Variants in MTCL3 observed in about 807,000 individuals in gnomAD.
MTCL3 encodes the protein microtubule cross-linking factor 3.
the MTCL3 span, chr6:127,481,458 AC>A: frequency 1.0e-6 from 1 of 985,322 alleles, no homozygotes; most frequent in African/African-American, 1.7e-5. Context: ...TGAGGTCCAT[AC>A]ATGTTCTGGT....
the MTCL3 span, among the ~76,000 whole-genome samples, chr6:127,500,919 C>G: frequency 1.3e-5 from 2 of 152,134 alleles, no homozygotes; most frequent in African/African-American, 4.8e-5. Context: ...TCAGGCAATT[C>G]TCCTGCCTCA....
chr6:127,515,662 G>A, the MTCL3 span: 10 of 1,498,440 alleles, frequency 6.7e-6, no homozygotes, highest in East Asian at 9.9e-5. This position sits in a 1 kb window ranked among gnomAD's most constrained non-coding sequence, Gnocchi z 4.3. Flanking sequence ...GCTCTGCTGG[G>A]GGCCCTCCGC....
At chr6:127,494,472 A>G in the MTCL3 span, among the ~76,000 whole-genome samples, 1 of 152,166 alleles carries the variant, frequency 6.6e-6, no homozygotes, top group Admixed American at 6.5e-5. Flanking sequence ...GGCCTACAAG[A>G]TCCTTGTGAA....
At chr6:127,483,583 G>A in the MTCL3 span, among the ~76,000 whole-genome samples, 1 of 152,168 alleles carries the variant, frequency 6.6e-6, no homozygotes, top group Non-Finnish European at 1.5e-5. Flanking sequence ...GTGTGATACA[G>A]GAATGTGGGC....
chr6:127,474,603 A>T, the MTCL3 span, among the ~76,000 whole-genome samples: 3 of 152,006 alleles, frequency 2.0e-5, no homozygotes, highest in Non-Finnish European at 4.4e-5. Context: ...TTTTTGAGAC[A>T]GGGTTTCACT....
the MTCL3 span, among the ~76,000 whole-genome samples, chr6:127,500,849 G>A: frequency 3.4e-3 from 511 of 152,124 alleles, 4 homozygotes; most frequent in Non-Finnish European, 5.9e-3. Flanking sequence ...ATCTCACTCT[G>A]TTGCCAGGCT....
At chr6:127,507,837 T>C in the MTCL3 span, among the ~76,000 whole-genome samples, 1 of 93,292 alleles carries the variant, frequency 1.1e-5, no homozygotes, top group African/African-American at 4.6e-5. Context: ...AGCAAGACTA[T>C]GTCTCAAAAA....
the MTCL3 span, chr6:127,482,906 C>A: frequency 6.3e-7 from 1 of 1,588,722 alleles, no homozygotes; most frequent in Non-Finnish European, 8.5e-7. The surrounding 1 kb of genome is among the most constrained non-coding windows in gnomAD (Gnocchi z 4.1). Flanking sequence ...ATTTTATTTC[C>A]ACATACCTCT....
the MTCL3 span, chr6:127,475,717 T>C: frequency 1.9e-6 from 3 of 1,588,318 alleles, no homozygotes; most frequent in African/African-American, 4.0e-5. The surrounding 1 kb of genome is among the most constrained non-coding windows in gnomAD (Gnocchi z 7.3). Flanking sequence ...GCGCTTGCGG[T>C]GCGGAGGCCG....
the MTCL3 span, chr6:127,516,531 G>A: frequency 2.5e-6 from 4 of 1,598,552 alleles, no homozygotes; most frequent in East Asian, 4.5e-5. Context: ...TGCCCTCCGG[G>A]TGCAGACGAG....
At chr6:127,476,548 G>C in the MTCL3 span, 1 of 1,165,130 alleles carries the variant, frequency 8.6e-7, no homozygotes, top group South Asian at 1.6e-5. This position sits in a 1 kb window ranked among gnomAD's most constrained non-coding sequence, Gnocchi z 4.4. Flanking sequence ...AGGACACCTG[G>C]ATAAATAATT....
chr6:127,498,368 A>T, the MTCL3 span, among the ~76,000 whole-genome samples: 21 of 152,336 alleles, frequency 1.4e-4, no homozygotes, highest in African/African-American at 5.0e-4. Context: ...AAACAAATGA[A>T]AACCACAATG....
chr6:127,474,245 A>G, the MTCL3 span, among the ~76,000 whole-genome samples: 2 of 151,704 alleles, frequency 1.3e-5, no homozygotes, highest in South Asian at 4.2e-4. Context: ...TACATTTACC[A>G]GTAGTTATCC....
chr6:127,518,906 CA>C, the MTCL3 span: 2 of 152,356 alleles, frequency 1.3e-5, no homozygotes, highest in Non-Finnish European at 2.9e-5. Flanking sequence ...AGACGCTCCC[CA>C]GGAAGTGCAG....
At chr6:127,499,796 A>G in the MTCL3 span, among the ~76,000 whole-genome samples, 3 of 152,178 alleles carry the variant, frequency 2.0e-5, no homozygotes, top group East Asian at 1.9e-4. Flanking sequence ...GGTTTGGCCA[A>G]TAGAAGGCAC....
At chr6:127,509,853 T>C in the MTCL3 span, among the ~76,000 whole-genome samples, 2 of 152,240 alleles carry the variant, frequency 1.3e-5, no homozygotes, top group South Asian at 2.1e-4. Context: ...TAGAGCATCA[T>C]AAAATTACCA....
At chr6:127,504,319 G>A in the MTCL3 span, among the ~76,000 whole-genome samples, 1 of 152,134 alleles carries the variant, frequency 6.6e-6, no homozygotes, top group African/African-American at 2.4e-5. Flanking sequence ...CCTGTATGAG[G>A]CTCTTTCCTA....
At chr6:127,509,523 T>C in the MTCL3 span, among the ~76,000 whole-genome samples, 2 of 152,220 alleles carry the variant, frequency 1.3e-5, no homozygotes, top group Non-Finnish European at 2.9e-5. Flanking sequence ...AAACTTGGAA[T>C]TGGAGGATTG....
At chr6:127,475,480 T>C in the MTCL3 span, 8 of 1,613,488 alleles carry the variant, frequency 5.0e-6, no homozygotes, top group African/African-American at 2.7e-5. This position sits in a 1 kb window ranked among gnomAD's most constrained non-coding sequence, Gnocchi z 7.3. Flanking sequence ...CAGGTCCCCG[T>C]TGGCCACGTA....
Sources: allele counts gnomAD v4.1 joint callset (sites outside exome capture counted in the v4.1 genomes callset), GRCh38; gene constraint gnomAD v4.1.1; non-coding constraint Gnocchi (gnomAD v3.1); transcripts MANE v1.5; gene names NCBI Gene and HGNC (gene_info 2026-07-23, HGNC 2026-07-21).